PPIH: variants seen among roughly 807,000 people sequenced by gnomAD.
The protein encoded by PPIH is peptidyl-prolyl cis-trans isomerase H.
In PPIH, 16 loss-of-function variants were observed where a neutral mutation model predicts 27.6. The ratio of observed to expected loss-of-function variants is 0.58; its 90% confidence interval spans 0.39 to 0.88. PPIH has a LOEUF of 0.88. Ranked by LOEUF, PPIH falls within the 40% of genes least tolerant of loss-of-function variation. The pLI is 0.00. For missense variants in PPIH, 155 were observed against 224.1 expected (o/e 0.69, Z 1.97); for synonymous variants, 63 against 76.1 (o/e 0.83, Z 0.90).
At chr1:42,664,991 C>T in intron 6 of PPIH, 36 bp downstream of exon 6, 1 of 1,576,098 alleles carries the variant, frequency 6.3e-7, no homozygotes, top group Non-Finnish European at 8.7e-7. Flanking sequence ...GGGTTATAGC[C>T]AGCTGGTTCC....
At chr1:42,673,761 C>A (rs998965196) in intron 9 of PPIH, among the ~76,000 whole-genome samples, 2 of 152,120 alleles carry the variant, frequency 1.3e-5, no homozygotes, top group Admixed American at 6.5e-5. Context: ...GGAAAAAATA[C>A]GGAATTAGCA....
At chr1:42,678,745 TG>T (rs1649957595), downstream of PPIH, 2 of 152,218 alleles carry the variant, frequency 1.3e-5, no homozygotes, top group African/African-American at 2.4e-5. Flanking sequence ...CCCCAACACC[TG>T]GAAGAACTGA....
At chr1:42,675,855 A>G (rs1170135828) in intron 9 of PPIH, among the ~76,000 whole-genome samples, 2 of 152,334 alleles carry the variant, frequency 1.3e-5, no homozygotes, top group East Asian at 1.9e-4. Context: ...ACAGAGAGCC[A>G]TCAGAGTCTG....
intron 2 of PPIH, 67 bp from the exon 3 acceptor site, chr1:42,659,161 C>T (rs1358805099): frequency 7.5e-6 from 12 of 1,601,290 alleles, no homozygotes; most frequent in Middle Eastern, 1.7e-4. Flanking sequence ...TATTCTTTCC[C>T]GTATTTAGAG....
At chr1:42,680,822 G>T (rs188700063), downstream of PPIH, among the ~76,000 whole-genome samples, 2 of 152,310 alleles carry the variant, frequency 1.3e-5, no homozygotes, top group African/African-American at 4.8e-5. Flanking sequence ...CTCCAAACCT[G>T]AGTAGTAAGT....
downstream of PPIH, among the ~76,000 whole-genome samples, chr1:42,678,500 A>G (rs1439033713): frequency 6.6e-6 from 1 of 152,204 alleles, no homozygotes; most frequent in Non-Finnish European, 1.5e-5. Context: ...CCCAGGTTCA[A>G]GCGATTCTCC....
At position 42,674,271 on chromosome 1, in the gene PPIH, G is replaced by C. The variant is rs184711605; in HGVS notation, c.*22-2313G>C. Among the ~76,000 whole-genome samples the C allele has an allele frequency of 3.6e-3, 552 of 152,336 alleles. 4 individuals carry two copies. The highest frequency in any genetic ancestry group is 4.8e-3 in the Non-Finnish European group (326 of 68,034). ...TTTAGTACAAGAAAGAATATAACTT[G>C]TCAGGTGGCTAAAACTGGGCAGGGC... On this transcript the variant is annotated intron_variant, in intron 9 of 9. Coordinates refer to ENST00000304979, the MANE Select transcript of PPIH (RefSeq NM_006347.4).
chr1:42,658,425 C>T lies in PPIH; in HGVS notation c.-22C>T. ...GTTCGCCGGAATCCCACGCTCCCGA[C>T]TTCTGCTTCCGGGTCGGAGCCATGG... On this transcript the variant is annotated 5_prime_UTR_variant, in exon 1 of 10. Coordinates refer to ENST00000304979, the MANE Select transcript of PPIH (RefSeq NM_006347.4). 6.2e-7 allele frequency: 1 copy of T among 1,610,466 alleles called. No individual in the cohort carries two copies. Among genetic ancestry groups the T allele is most frequent in the Non-Finnish European group, 8.5e-7 (1 of 1,176,668 alleles).
At chr1:42,665,405 TAAAAC>T (rs1348651215) in intron 6 of PPIH, among the ~76,000 whole-genome samples, 1 of 151,874 alleles carries the variant, frequency 6.6e-6, no homozygotes, top group African/African-American at 2.4e-5. Context: ...AACTCCATCT[TAAAAC>T]AAAGAAAAGA....
chr1:42,677,670 A>C (rs938285825), downstream of PPIH, among the ~76,000 whole-genome samples: 5 of 152,104 alleles, frequency 3.3e-5, no homozygotes, highest in Non-Finnish European at 7.4e-5. Flanking sequence ...CAACAGCAAC[A>C]AAAAAATTAG....
At chr1:42,662,421 C>T (rs939623471) in intron 5 of PPIH, among the ~76,000 whole-genome samples, 8 of 151,822 alleles carry the variant, frequency 5.3e-5, no homozygotes, top group South Asian at 2.1e-4. Context: ...TGGTGGTGTG[C>T]GCCTGTAGTC....
downstream of PPIH, among the ~76,000 whole-genome samples, chr1:42,679,527 C>G (rs761854680): frequency 1.3e-5 from 2 of 152,114 alleles, no homozygotes; most frequent in African/African-American, 2.4e-5. Context: ...TCACTGAGCA[C>G]GAAGAGAGCT....
Position 42,665,544 on chromosome 1 carries a change from C to G in PPIH, c.337-436C>G, listed in dbSNP as rs1649284823. Among the ~76,000 whole-genome samples, 4 of 151,834 alleles carry G rather than the reference C, an allele frequency of 2.6e-5. No homozygotes were observed. The South Asian group carries it at 8.3e-4, about 32-fold the overall frequency. Reference sequence around the variant, plus strand: ...CTCAGAATGTAAACAGTTGTGCTTTCAAGACATATTCATAGCTGGGTGTGG... The same window carrying G: ...CTCAGAATGTAAACAGTTGTGCTTTGAAGACATATTCATAGCTGGGTGTGG... On this transcript the variant is annotated intron_variant, in intron 6 of 9. Coordinates refer to ENST00000304979, the MANE Select transcript of PPIH (RefSeq NM_006347.4).
At chr1:42,661,301 G>A (rs1170661383) in intron 5 of PPIH, among the ~76,000 whole-genome samples, 1 of 152,040 alleles carries the variant, frequency 6.6e-6, no homozygotes, top group Non-Finnish European at 1.5e-5. Flanking sequence ...CTAAATGCTT[G>A]TTTCATTTTC....
intron 5 of PPIH, among the ~76,000 whole-genome samples, chr1:42,661,883 A>T (rs1445886798): frequency 6.6e-6 from 1 of 152,198 alleles, no homozygotes; most frequent in African/African-American, 2.4e-5. Flanking sequence ...GGAAAGTGGA[A>T]GTATGCTGGG....
At position 42,667,338 on chromosome 1, in the gene PPIH, C is replaced by CT. The variant is rs758289292; in HGVS notation, c.466-6dup. On this transcript the variant is annotated splice_polypyrimidine_tract_variant and intron_variant, in intron 8 of 9. Transcript: ENST00000304979. ...CCTGAGTGGATGAATCTCCATTGTGCTTTTTTTCCTAGAATGTTCCCACAG... is the reference window on the plus strand; with the variant it reads ...CCTGAGTGGATGAATCTCCATTGTGCTTTTTTTTCCTAGAATGTTCCCACAG... 6 of 1,589,822 alleles carry CT rather than the reference C, an allele frequency of 3.8e-6. No individual in the cohort carries two copies. In the Admixed American group the frequency reaches 1.0e-4, roughly 27 times the overall value.
chr1:42,678,244 T>G (rs2148731443), downstream of PPIH, among the ~76,000 whole-genome samples: 1 of 152,300 alleles, frequency 6.6e-6, no homozygotes, highest in South Asian at 2.1e-4. Flanking sequence ...AGCTGCACTC[T>G]GTTACATCTG....
At chr1:42,665,366 C>G (rs1339567781) in intron 6 of PPIH, among the ~76,000 whole-genome samples, 2 of 152,096 alleles carry the variant, frequency 1.3e-5, no homozygotes, top group African/African-American at 4.8e-5. Context: ...GATTGCCCCA[C>G]TGCACTCCAG....
chr1:42,662,251 C>A (rs1309379267), intron 5 of PPIH, among the ~76,000 whole-genome samples: 2 of 151,994 alleles, frequency 1.3e-5, no homozygotes, highest in African/African-American at 2.4e-5. Context: ...GTCTGAAGGC[C>A]GAGTTAAAAG....
Sources: allele counts gnomAD v4.1 joint callset (sites outside exome capture counted in the v4.1 genomes callset), GRCh38; gene constraint gnomAD v4.1.1; transcripts MANE v1.5; gene names NCBI Gene and HGNC (gene_info 2026-07-23, HGNC 2026-07-21).